The following SMAD6 variants were observed in gnomAD, a reference collection of about 807,000 sequenced individuals.
The protein encoded by SMAD6 is MAD homolog 6.
In SMAD6, 103 loss-of-function variants were observed where a neutral mutation model predicts 39.4. That is an observed-to-expected ratio of 2.62 (90% confidence interval 2.23 to 3.08). The LOEUF (loss-of-function observed/expected upper bound fraction) is 3.08, where lower values mean the gene tolerates loss of function less well. Among genes scored for constraint, SMAD6 ranks in the 30% most tolerant of loss-of-function variants. SMAD6 has a pLI of 0.00. For synonymous variants in SMAD6, 445 were observed against 353.3 expected (o/e 1.26, Z -2.91); for missense variants, 1,104 against 742.9 (o/e 1.49, Z -5.65).
intron 2 of SMAD6, among the ~76,000 whole-genome samples, chr15:66,715,030 CT>C (rs5813400): frequency 0.31 from 40,416 of 131,984 alleles, 6,654 homozygotes; most frequent in African/African-American, 0.45. Flanking sequence ...GAGCACTGAG[CT>C]TTTTTTTTTT....
chr15:66,712,186 A>G (rs138479619), intron 2 of SMAD6, among the ~76,000 whole-genome samples: 1 of 152,286 alleles, frequency 6.6e-6, no homozygotes, highest in Non-Finnish European at 1.5e-5. Flanking sequence ...TTTTTAAGCC[A>G]AGATGTTCAC....
intron 2 of SMAD6, among the ~76,000 whole-genome samples, chr15:66,712,597 A>G (rs1893253028): frequency 2.7e-5 from 4 of 150,802 alleles, no homozygotes; most frequent in Admixed American, 2.6e-4. Context: ...AGGCTGAGGC[A>G]GGAGAATTGC....
chr15:66,747,059 CT>C lies in SMAD6; in HGVS notation c.952+30562del, dbSNP rs1373555691. Among the ~76,000 whole-genome samples the C allele has an allele frequency of 1.5e-4, 23 of 152,338 alleles. No individual in the cohort carries two copies. The East Asian group carries it at 3.9e-3, about 26-fold the overall frequency. On this transcript the variant is annotated intron_variant, in intron 3 of 3. Transcript: ENST00000288840. The surrounding 1 kb of genome is among the most constrained non-coding windows in gnomAD (Gnocchi z 4.5). ...TATGTCAGTTCTTGCTAGAATAGCA[CT>C]AATACATAAATTTCTTCTGGCTTGA...
intron 3 of SMAD6, among the ~76,000 whole-genome samples, chr15:66,748,990 T>C (rs1893953373): frequency 6.6e-6 from 1 of 152,158 alleles, no homozygotes; most frequent in African/African-American, 2.4e-5. Context: ...CTAATTCAAT[T>C]GGTTCCCCAG....
chr15:66,742,708 C>A (rs1184387892), intron 3 of SMAD6, among the ~76,000 whole-genome samples: 1 of 152,148 alleles, frequency 6.6e-6, no homozygotes, highest in Non-Finnish European at 1.5e-5. Context: ...TCATGGCTCT[C>A]AGGGTCACCA....
chr15:66,721,030 G>T (rs1011989655), intron 3 of SMAD6, among the ~76,000 whole-genome samples: 2 of 152,212 alleles, frequency 1.3e-5, no homozygotes, highest in African/African-American at 4.8e-5. Context: ...CTGGATGTGG[G>T]TATCTTTCCT....
At chr15:66,722,063 C>T (rs1296508626) in intron 3 of SMAD6, among the ~76,000 whole-genome samples, 3 of 152,244 alleles carry the variant, frequency 2.0e-5, no homozygotes, top group Middle Eastern at 3.4e-3. Flanking sequence ...AGCAAAGCTC[C>T]AGATGTTGGT....
intron 1 of SMAD6, among the ~76,000 whole-genome samples, chr15:66,708,498 G>A (rs2140591206): frequency 6.6e-6 from 1 of 152,352 alleles, no homozygotes; most frequent in Non-Finnish European, 1.5e-5. Context: ...ATTCATAACA[G>A]CCAAAGAGAG....
In SMAD6 at chr15:66,704,256, A is replaced by C. The variant is rs1595757794; in HGVS notation, c.817+181A>C. Reference sequence around the variant, plus strand: ...CCGAGGGGAGTGGGTGTCCCAGCACACACATCAAGTGGCAACTTTATCTCA... The same window carrying C: ...CCGAGGGGAGTGGGTGTCCCAGCACCCACATCAAGTGGCAACTTTATCTCA... On this transcript the variant is annotated intron_variant, in intron 1 of 3. Transcript: ENST00000288840. The C allele has an allele frequency of 3.2e-5, 13 of 411,938 alleles. No individual in the cohort carries two copies. The East Asian group carries it at 4.7e-4, about 15-fold the overall frequency. The allele number at this position is 411,938 out of a possible 1,614,324, so 25.5% of individuals were successfully genotyped here. A position where few individuals can be genotyped will look rare whatever the true frequency, so the allele number is the denominator to read the frequency against.
At chr15:66,707,353 A>C (rs1334557279) in intron 1 of SMAD6, 1 of 152,090 alleles carries the variant, frequency 6.6e-6, no homozygotes, top group East Asian at 1.9e-4. Context: ...ACAGAGCGAG[A>C]GAGAGAGAAC....
chr15:66,717,841 C>T (rs1893360144), intron 3 of SMAD6, among the ~76,000 whole-genome samples: 1 of 152,278 alleles, frequency 6.6e-6, no homozygotes, highest in African/African-American at 2.4e-5. Flanking sequence ...TGGCTCCCTT[C>T]GTTAGGGTAC....
intron 3 of SMAD6, among the ~76,000 whole-genome samples, chr15:66,772,969 C>T (rs1354089731): frequency 1.8e-4 from 27 of 152,288 alleles, no homozygotes; most frequent in Non-Finnish European, 5.9e-5. Context: ...GTCATGCTGC[C>T]CTCCTGTTCC....
chr15:66,757,232 C>T (rs908815329), intron 3 of SMAD6, among the ~76,000 whole-genome samples: 4 of 152,214 alleles, frequency 2.6e-5, no homozygotes, highest in African/African-American at 9.6e-5. Flanking sequence ...CAACTGCCAA[C>T]TCCAATACGC....
At chr15:66,726,388 ACTCT>A (rs780077743) in intron 3 of SMAD6, among the ~76,000 whole-genome samples, 3 of 151,636 alleles carry the variant, frequency 2.0e-5, no homozygotes, top group Non-Finnish European at 4.4e-5. Context: ...ACACCACCAG[ACTCT>A]CTCAGCTGGG....
At chr15:66,705,145 G>C (rs1419468499) in intron 1 of SMAD6, 2 of 152,288 alleles carry the variant, frequency 1.3e-5, no homozygotes, top group Non-Finnish European at 2.9e-5. Context: ...TCCCTGGGGA[G>C]AGTCAGCACC....
chr15:66,775,656 G>A lies in SMAD6; in HGVS notation c.953-5341G>A, dbSNP rs182595672. 5.9e-5 allele frequency among the ~76,000 whole-genome samples: 9 copies of A among 152,308 alleles called. No homozygotes were observed. The East Asian group carries it at 1.7e-3, about 29-fold the overall frequency. On this transcript the variant is annotated intron_variant, in intron 3 of 3. Transcript: ENST00000288840. ...TCCCAGCAGGACCCAGAGTCTGGCT[G>A]GGAACTAGGCCAGGCCCTGAGCAGG...
intron 3 of SMAD6, among the ~76,000 whole-genome samples, chr15:66,774,027 G>A (rs997761406): frequency 6.6e-6 from 1 of 152,152 alleles, no homozygotes; most frequent in Non-Finnish European, 1.5e-5. Flanking sequence ...CTGCTCCCCT[G>A]CTGACCTAGA....
chr15:66,724,835 A>G (rs1419365449), intron 3 of SMAD6, among the ~76,000 whole-genome samples: 1 of 148,548 alleles, frequency 6.7e-6, no homozygotes, highest in East Asian at 1.9e-4. Flanking sequence ...GCTGCTGGCG[A>G]GGCAGGGTGT....
chr15:66,708,621 C>T (rs1312292415), intron 1 of SMAD6: 1 of 432,780 alleles, frequency 2.3e-6, no homozygotes, highest in African/African-American at 2.0e-5. Flanking sequence ...CCAAAACGTG[C>T]TACAACATGG....
Sources: allele counts gnomAD v4.1 joint callset (sites outside exome capture counted in the v4.1 genomes callset), GRCh38; gene constraint gnomAD v4.1.1; non-coding constraint Gnocchi (gnomAD v3.1); transcripts MANE v1.5; gene names NCBI Gene and HGNC (gene_info 2026-07-23, HGNC 2026-07-21).